HTR3B: variants seen among roughly 807,000 people sequenced by gnomAD.
HTR3B encodes the protein 5-hydroxytryptamine (serotonin) receptor 3B, ionotropic.
A neutral mutation model predicts 42.8 loss-of-function variants in HTR3B; 44 were observed. The observed-to-expected ratio is 1.03, with a 90% confidence interval of 0.81 to 1.32. The LOEUF is 1.32. HTR3B is among the 40% of genes most tolerant of loss of function. The pLI, the probability that HTR3B is intolerant of heterozygous loss-of-function variation, is 0.00. For synonymous variants in HTR3B, 203 were observed against 209.0 expected, an observed-to-expected ratio of 0.97 and a Z score of 0.25; for missense variants, 527 against 536.5, an observed-to-expected ratio of 0.98 and a Z score of 0.17.
chr11:113,936,563 A>G (rs61907922), intron 6 of HTR3B, among the ~76,000 whole-genome samples: 2,481 of 151,956 alleles, frequency 0.016, 33 homozygotes, highest in Non-Finnish European at 0.02. Context: ...GAGAGAGAGA[A>G]AGAGAGAGAG....
chr11:113,926,872 A>T (rs1949981273), intron 2 of HTR3B, among the ~76,000 whole-genome samples: 1 of 152,158 alleles, frequency 6.6e-6, no homozygotes, highest in Non-Finnish European at 1.5e-5. Context: ...TAATCCTGCC[A>T]GCAATGTTTG....
Position 113,941,558 on chromosome 11 carries a change from C to A in HTR3B, c.697-1424C>A, listed in dbSNP as rs113096781. ...AGGCCAGCAGGACAGCTTCAGGCGG[C>A]CTCCACTGAGACGCACTCCTCCACC... is the stretch of plus-strand genomic sequence containing the variant. On this transcript the variant is annotated intron_variant, in intron 6 of 8. Transcript: ENST00000260191. 4.5e-3 allele frequency among the ~76,000 whole-genome samples: 691 copies of A among 152,276 alleles called. 3 individuals are homozygous for A. The highest frequency in any genetic ancestry group is 0.016 in the African/African-American group (656 of 41,548).
At chr11:113,914,812 G>C (rs1949835577) in intron 2 of HTR3B, among the ~76,000 whole-genome samples, 1 of 152,108 alleles carries the variant, frequency 6.6e-6, no homozygotes, top group Admixed American at 6.6e-5. Context: ...TGAAGGCGTT[G>C]TATAATGTGA....
upstream of HTR3B, chr11:113,904,604 T>A (rs1324562930): frequency 4.3e-6 from 1 of 234,508 alleles, no homozygotes; most frequent in Non-Finnish European, 8.3e-6. Flanking sequence ...TGGAATTTCC[T>A]CTCCTTAGGG....
intron 2 of HTR3B, among the ~76,000 whole-genome samples, chr11:113,928,695 C>T (rs11214772): frequency 0.15 from 22,357 of 152,078 alleles, 1,729 homozygotes; most frequent in Non-Finnish European, 0.15. Context: ...CGCTACCACT[C>T]CTGGCTAATT....
intron 7 of HTR3B, 75 bp from the exon 8 acceptor site, chr11:113,944,498 C>A: frequency 7.0e-7 from 1 of 1,418,714 alleles, no homozygotes; most frequent in South Asian, 1.3e-5. Context: ...AAGACCCTGT[C>A]CCTAAAGAAA....
At chr11:113,923,553 C>A (rs1949936654) in intron 2 of HTR3B, among the ~76,000 whole-genome samples, 3 of 152,116 alleles carry the variant, frequency 2.0e-5, no homozygotes, top group Non-Finnish European at 2.9e-5. Context: ...GTCTCCGGAA[C>A]TGGAAAAGAT....
chr11:113,945,879 G>T (rs1299798041), intron 8 of HTR3B, 23 bp from the exon 9 acceptor site: 1 of 1,569,026 alleles, frequency 6.4e-7, no homozygotes, highest in Admixed American at 1.7e-5. Flanking sequence ...GGCTCACCCA[G>T]GGTGTTTTCC....
upstream of HTR3B, among the ~76,000 whole-genome samples, chr11:113,903,062 G>T (rs946859733): frequency 3.3e-5 from 5 of 152,028 alleles, no homozygotes; most frequent in African/African-American, 4.8e-5. Context: ...GTGGAGACAG[G>T]GTATCCTTAT....
intron 2 of HTR3B, among the ~76,000 whole-genome samples, chr11:113,911,105 C>T (rs1330949005): frequency 1.3e-5 from 2 of 152,050 alleles, no homozygotes; most frequent in Non-Finnish European, 1.5e-5. Flanking sequence ...GGATTACAGG[C>T]GTGAGCCACT....
rs142289832 is a variant in HTR3B at position 113,943,163 on chromosome 11, C to T, written c.878C>T (p.Pro293Leu). 4 of 1,613,834 alleles carry T rather than the reference C, an allele frequency of 2.5e-6. No individual in the cohort carries two copies. In the African/African-American group the frequency reaches 5.3e-5, roughly 22 times the overall value. The change falls in exon 7 of 9, where the codon CCA (proline) becomes CTA (leucine). Residue 293 changes from proline (P) to leucine (L), a missense_variant. Coordinates refer to ENST00000260191, the MANE Select transcript of HTR3B (RefSeq NM_006028.5). ...VFRVNMSNQV[P>L]RSVGSTPLIG... ...AGGGTCAACATGTCCAACCAGGTGC[C>T]ACGGAGTGTAGGGAGCACCCCTCTG...
At chr11:113,944,265 G>T (rs185003969) in intron 7 of HTR3B, among the ~76,000 whole-genome samples, 2 of 152,062 alleles carry the variant, frequency 1.3e-5, no homozygotes, top group African/African-American at 2.4e-5. Context: ...TGATCCACCC[G>T]CCTCAGCCTC....
chr11:113,944,901 A>G, intron 8 of HTR3B, 146 bp downstream of exon 8: 1 of 650,420 alleles, frequency 1.5e-6, no homozygotes, highest in Non-Finnish European at 2.6e-6. Context: ...ATTTTATATT[A>G]TCTCTCTGGA....
intron 1 of HTR3B, among the ~76,000 whole-genome samples, chr11:113,906,474 A>G (rs528014659): frequency 6.6e-6 from 1 of 152,328 alleles, no homozygotes; most frequent in Non-Finnish European, 1.5e-5. Context: ...CAGATAAGAC[A>G]GCATTGTTAA....
At chr11:113,923,633 G>T (rs959387650) in intron 2 of HTR3B, among the ~76,000 whole-genome samples, 2 of 152,134 alleles carry the variant, frequency 1.3e-5, no homozygotes, top group Non-Finnish European at 2.9e-5. Context: ...GACTCCCTCT[G>T]TTAGGAAGAC....
At chr11:113,935,674 A>G (rs979741955) in intron 6 of HTR3B, among the ~76,000 whole-genome samples, 1 of 152,128 alleles carries the variant, frequency 6.6e-6, no homozygotes, top group Non-Finnish European at 1.5e-5. Flanking sequence ...CTTTCCTTCA[A>G]CAGCCCTTGG....
At chr11:113,943,913 C>G (rs1188186276) in intron 7 of HTR3B, among the ~76,000 whole-genome samples, 1 of 151,720 alleles carries the variant, frequency 6.6e-6, no homozygotes, top group Non-Finnish European at 1.5e-5. Context: ...GAAGAGCAAG[C>G]CAGATGCAGT....
intron 2 of HTR3B, among the ~76,000 whole-genome samples, chr11:113,923,311 T>C (rs551621586): frequency 1.5e-3 from 230 of 152,330 alleles, no homozygotes; most frequent in Non-Finnish European, 2.3e-3. Flanking sequence ...CTCGCCTCCA[T>C]TATAATGTTT....
chr11:113,932,796 C>A, intron 5 of HTR3B, 140 bp from the exon 6 acceptor site: 1 of 784,880 alleles, frequency 1.3e-6, no homozygotes. Flanking sequence ...CATCCCTACC[C>A]CCTAATTCAA....
Sources: allele counts gnomAD v4.1 joint callset (sites outside exome capture counted in the v4.1 genomes callset), GRCh38; gene constraint gnomAD v4.1.1; transcripts MANE v1.5; gene names NCBI Gene and HGNC (gene_info 2026-07-23, HGNC 2026-07-21).